Variants in AFG2A observed in about 807,000 individuals in gnomAD.
AFG2A encodes AAA ATPase AFG2A, also known as ATPase family gene 2 protein homolog A.
At chr4:123,248,885 A>G in the AFG2A span, among the ~76,000 whole-genome samples, 1 of 152,198 alleles carries the variant, frequency 6.6e-6, no homozygotes, top group East Asian at 1.9e-4. Context: ...AGGATCTCAT[A>G]ATCAAGTACT....
At chr4:123,035,889 G>T in the AFG2A span, among the ~76,000 whole-genome samples, 14 of 151,962 alleles carry the variant, frequency 9.2e-5, no homozygotes, top group African/African-American at 3.4e-4. Context: ...ATAAGAAAAA[G>T]GATAATTTTA....
chr4:123,280,975 A>ATT, the AFG2A span, among the ~76,000 whole-genome samples: 1 of 151,886 alleles, frequency 6.6e-6, no homozygotes, highest in Non-Finnish European at 1.5e-5. Flanking sequence ...GGTACCATAA[A>ATT]TTTTCAGATA....
At chr4:123,233,504 A>G in the AFG2A span, among the ~76,000 whole-genome samples, 1 of 152,092 alleles carries the variant, frequency 6.6e-6, no homozygotes, top group African/African-American at 2.4e-5. Context: ...TTTAAGGTGG[A>G]AGAAAAGTGG....
chr4:123,055,863 TGTG>T, the AFG2A span, among the ~76,000 whole-genome samples: 1 of 152,220 alleles, frequency 6.6e-6, no homozygotes, highest in African/African-American at 2.4e-5. Flanking sequence ...CATAACTTCT[TGTG>T]GTGACTGTTT....
chr4:123,063,422 T>G, the AFG2A span, among the ~76,000 whole-genome samples: 1 of 152,158 alleles, frequency 6.6e-6, no homozygotes, highest in South Asian at 2.1e-4. Context: ...TCAAATCATA[T>G]AATTAGTCCC....
the AFG2A span, among the ~76,000 whole-genome samples, chr4:122,935,476 T>G: frequency 1.3e-5 from 2 of 152,022 alleles, no homozygotes; most frequent in Non-Finnish European, 2.9e-5. Context: ...TGTCCAGTTT[T>G]TTTTTTTTTT....
At chr4:123,134,658 A>G in the AFG2A span, among the ~76,000 whole-genome samples, 7 of 151,218 alleles carry the variant, frequency 4.6e-5, no homozygotes, top group African/African-American at 1.7e-4. Flanking sequence ...ATGTCAACAA[A>G]TCATGTAACC....
chr4:123,075,257 T>C, the AFG2A span, among the ~76,000 whole-genome samples: 4 of 152,180 alleles, frequency 2.6e-5, no homozygotes, highest in Admixed American at 2.6e-4. Flanking sequence ...TTTATCACTT[T>C]ATAATCATTA....
the AFG2A span, among the ~76,000 whole-genome samples, chr4:123,204,135 G>A: frequency 2.6e-5 from 4 of 152,060 alleles, no homozygotes; most frequent in African/African-American, 9.7e-5. Flanking sequence ...CTGTTTTAAG[G>A]TCAACTGATC....
At chr4:123,060,654 AT>A in the AFG2A span, among the ~76,000 whole-genome samples, 1 of 151,554 alleles carries the variant, frequency 6.6e-6, no homozygotes, top group East Asian at 1.9e-4. Flanking sequence ...CCAGAAAACC[AT>A]TTTTCCCTCC....
At chr4:123,130,271 C>T in the AFG2A span, among the ~76,000 whole-genome samples, 1 of 152,210 alleles carries the variant, frequency 6.6e-6, no homozygotes, top group African/African-American at 2.4e-5. Context: ...TTCACCTCAG[C>T]TTCCCAAAGT....
the AFG2A span, among the ~76,000 whole-genome samples, chr4:123,184,748 G>A: frequency 6.6e-6 from 1 of 151,242 alleles, no homozygotes; most frequent in East Asian, 1.9e-4. Context: ...GTTTTAGCCG[G>A]GATGGTCTCG....
chr4:123,247,680 A>C, the AFG2A span, among the ~76,000 whole-genome samples: 10 of 152,114 alleles, frequency 6.6e-5, no homozygotes, highest in Admixed American at 2.0e-4. Context: ...TGCCTGCCTT[A>C]GCCTCCCAAA....
chr4:123,057,379 C>T, the AFG2A span: 22 of 1,346,862 alleles, frequency 1.6e-5, no homozygotes, highest in Admixed American at 6.2e-5. Flanking sequence ...TTGTATACAA[C>T]TTTTATCTAT....
the AFG2A span, among the ~76,000 whole-genome samples, chr4:123,197,062 A>G: frequency 6.6e-6 from 1 of 152,188 alleles, no homozygotes; most frequent in African/African-American, 2.4e-5. Flanking sequence ...TTTCATTGCA[A>G]TAATAAATCT....
the AFG2A span, among the ~76,000 whole-genome samples, chr4:123,009,870 A>G: frequency 6.6e-6 from 1 of 152,104 alleles, no homozygotes; most frequent in Non-Finnish European, 1.5e-5. Flanking sequence ...AGAAATACTT[A>G]ATCAGATTTT....
the AFG2A span, chr4:123,256,016 G>C: frequency 6.2e-7 from 1 of 1,613,844 alleles, no homozygotes; most frequent in Non-Finnish European, 8.5e-7. Flanking sequence ...TTCTTTATAG[G>C]CTTTGATGCG....
chr4:123,023,643 G>A, the AFG2A span, among the ~76,000 whole-genome samples: 37 of 152,194 alleles, frequency 2.4e-4, no homozygotes, highest in Non-Finnish European at 4.4e-4. Flanking sequence ...TATAAATTCA[G>A]TCTTGCTCAG....
chr4:123,107,232 G>C, the AFG2A span, among the ~76,000 whole-genome samples: 96,929 of 152,128 alleles, frequency 0.64, 34,434 homozygotes, highest in East Asian at 0.97. Flanking sequence ...TTTCAGCTTT[G>C]TTTGTGTTAC....
Sources: allele counts gnomAD v4.1 joint callset (sites outside exome capture counted in the v4.1 genomes callset), GRCh38; gene constraint gnomAD v4.1.1; transcripts MANE v1.5; gene names NCBI Gene and HGNC (gene_info 2026-07-23, HGNC 2026-07-21).